Variants in KHDRBS2 observed in about 807,000 individuals in gnomAD.
KHDRBS2 encodes the protein KH RNA binding domain containing, signal transduction associated 2, also known as KH domain-containing, RNA-binding, signal transduction-associated protein 2.
A neutral mutation model predicts 44.3 loss-of-function variants in KHDRBS2; 26 were observed. That is an observed-to-expected ratio of 0.59 (90% CI 0.43 to 0.81). KHDRBS2 has a LOEUF of 0.81. KHDRBS2 is among the 40% of genes least tolerant of loss of function. The pLI is 0.00. For missense variants in KHDRBS2, 476 were observed against 433.1 expected (o/e 1.10, Z -0.88); for synonymous variants, 194 against 151.1 (o/e 1.28, Z -2.08).
intron 2 of KHDRBS2, among the ~76,000 whole-genome samples, chr6:62,157,896 G>T (rs564156670): frequency 6.6e-6 from 1 of 152,120 alleles, no homozygotes; most frequent in Non-Finnish European, 1.5e-5. Flanking sequence ...CAATCTTGAT[G>T]CATTTTCAAA....
At chr6:61,723,921 C>G (rs1582412502) in intron 7 of KHDRBS2, among the ~76,000 whole-genome samples, 1 of 152,122 alleles carries the variant, frequency 6.6e-6, no homozygotes, top group East Asian at 1.9e-4. Flanking sequence ...CTTCCCCAAC[C>G]TAGCAACACA....
chr6:61,590,625 C>T, the KHDRBS2 span, among the ~76,000 whole-genome samples: 2 of 152,062 alleles, frequency 1.3e-5, no homozygotes, highest in African/African-American at 4.8e-5. Context: ...CATTTAATAT[C>T]CTGTGGGTTT....
At chr6:61,835,994 C>T (rs760813785) in intron 6 of KHDRBS2, among the ~76,000 whole-genome samples, 17 of 151,898 alleles carry the variant, frequency 1.1e-4, no homozygotes, top group Non-Finnish European at 2.4e-4. Flanking sequence ...GCTTAATACA[C>T]CGTCTATGTC....
At chr6:62,001,362 T>C (rs1489398309) in intron 3 of KHDRBS2, among the ~76,000 whole-genome samples, 1 of 152,008 alleles carries the variant, frequency 6.6e-6, no homozygotes. Flanking sequence ...TGACGTAAAA[T>C]TGAAATCCTT....
intron 2 of KHDRBS2, among the ~76,000 whole-genome samples, chr6:62,117,941 A>T (rs1231288223): frequency 6.6e-6 from 1 of 151,918 alleles, no homozygotes; most frequent in African/African-American, 2.4e-5. Flanking sequence ...ACACCTGGCT[A>T]ATTTTTGTAT....
intron 6 of KHDRBS2, among the ~76,000 whole-genome samples, chr6:61,848,925 G>A (rs1182596066): frequency 1.3e-5 from 2 of 151,860 alleles, no homozygotes; most frequent in African/African-American, 4.8e-5. Context: ...TTGAATTTAA[G>A]CATTTCGTTG....
intron 4 of KHDRBS2, among the ~76,000 whole-genome samples, chr6:61,913,101 C>G (rs1405482550): frequency 6.6e-6 from 1 of 152,006 alleles, no homozygotes; most frequent in Non-Finnish European, 1.5e-5. Context: ...TTTCCTTATT[C>G]GTTTTTAAAA....
At chr6:62,201,649 G>A (rs1192676689) in intron 1 of KHDRBS2, among the ~76,000 whole-genome samples, 1 of 151,710 alleles carries the variant, frequency 6.6e-6, no homozygotes, top group African/African-American at 2.4e-5. Flanking sequence ...CTTTCGCTTT[G>A]GAAAAAAATT....
intron 3 of KHDRBS2, among the ~76,000 whole-genome samples, chr6:61,997,589 C>A (rs1349453504): frequency 6.6e-6 from 1 of 152,134 alleles, no homozygotes; most frequent in East Asian, 1.9e-4. Flanking sequence ...GATAAAATGA[C>A]CTTACCTAAA....
chr6:62,264,607 G>A (rs1044454474), intron 1 of KHDRBS2, among the ~76,000 whole-genome samples: 14 of 151,568 alleles, frequency 9.2e-5, no homozygotes, highest in South Asian at 4.1e-4. Flanking sequence ...ACAAAAGACC[G>A]TTAACAGTTT....
At position 61,894,968 on chromosome 6, in the gene KHDRBS2, T is replaced by A. The variant is rs544999769; in HGVS notation, c.612-135A>T. ...TTCTCTCTCTCTCTCTGTGTGTGTG[T>A]GTGTGTATGCATTTAATAGAAATTA... On this transcript the variant is annotated intron_variant, in intron 5 of 8. Transcript: ENST00000281156. 4 of 618,810 alleles carry A rather than the reference T, an allele frequency of 6.5e-6. 1 individual carries two copies. In the East Asian group the frequency reaches 1.1e-4, roughly 17 times the overall value. 38.3% of individuals were successfully genotyped at this position (618,810 alleles called of 1,614,324 possible). A position where few individuals can be genotyped will look rare whatever the true frequency, so the allele number is the denominator to read the frequency against.
At chr6:62,079,791 C>CA (rs1424170496) in intron 2 of KHDRBS2, among the ~76,000 whole-genome samples, 1 of 151,954 alleles carries the variant, frequency 6.6e-6, no homozygotes, top group Non-Finnish European at 1.5e-5. Flanking sequence ...CCTAAGTTTC[C>CA]ACATAATTAA....
the KHDRBS2 span, among the ~76,000 whole-genome samples, chr6:61,577,267 G>T: frequency 6.6e-6 from 1 of 151,964 alleles, no homozygotes. Context: ...AATGCTGCAG[G>T]TTGGTGTACC....
intron 6 of KHDRBS2, among the ~76,000 whole-genome samples, chr6:61,748,757 T>C (rs1370811390): frequency 6.6e-6 from 1 of 152,020 alleles, no homozygotes; most frequent in Non-Finnish European, 1.5e-5. Flanking sequence ...TTGTGTTTGT[T>C]TATAATGTTA....
intron 6 of KHDRBS2, among the ~76,000 whole-genome samples, chr6:61,789,777 T>A (rs1032005439): frequency 4.1e-4 from 62 of 151,594 alleles, no homozygotes; most frequent in African/African-American, 1.4e-3. Flanking sequence ...ATAACTTTAA[T>A]GGATGCATGG....
chr6:61,629,598 C>T, the KHDRBS2 span, among the ~76,000 whole-genome samples: 3 of 152,140 alleles, frequency 2.0e-5, no homozygotes, highest in Non-Finnish European at 4.4e-5. Context: ...CTATAAGTGA[C>T]TGCAGGGAAT....
At chr6:62,170,883 TC>T (rs1411601613) in intron 2 of KHDRBS2, among the ~76,000 whole-genome samples, 2 of 145,940 alleles carry the variant, frequency 1.4e-5, no homozygotes, top group Non-Finnish European at 3.0e-5. Flanking sequence ...TATTCCAGAA[TC>T]AAAGCCAGTT....
At chr6:61,878,936 T>C (rs1562357389) in intron 6 of KHDRBS2, among the ~76,000 whole-genome samples, 1 of 151,982 alleles carries the variant, frequency 6.6e-6, no homozygotes, top group Non-Finnish European at 1.5e-5. Flanking sequence ...TCATAATAAC[T>C]CCTCAATTAT....
the KHDRBS2 span, among the ~76,000 whole-genome samples, chr6:61,602,248 G>T: frequency 6.6e-6 from 1 of 152,120 alleles, no homozygotes; most frequent in Admixed American, 6.5e-5. Context: ...GTATTTTTGA[G>T]TTGCAGTTCC....
Sources: allele counts gnomAD v4.1 joint callset (sites outside exome capture counted in the v4.1 genomes callset), GRCh38; gene constraint gnomAD v4.1.1; transcripts MANE v1.5; gene names NCBI Gene and HGNC (gene_info 2026-07-23, HGNC 2026-07-21).